GLI3: variants seen among roughly 807,000 people sequenced by gnomAD.
GLI3 encodes transcription activator GLI3.
A neutral mutation model predicts 100.8 loss-of-function variants in GLI3; 20 were observed. The ratio of observed to expected loss-of-function variants is 0.20; its 90% CI spans 0.14 to 0.29. GLI3 has a LOEUF of 0.29. GLI3 is among the 10% of genes least tolerant of loss of function. The pLI is 1.00. For missense variants in GLI3, 2,040 were observed against 2,128.5 expected (o/e 0.96, Z 0.82); for synonymous variants, 938 against 860.5 (o/e 1.09, Z -1.58).
At chr7:42,197,236 A>G (rs994520004) in intron 2 of GLI3, among the ~76,000 whole-genome samples, 3 of 152,206 alleles carry the variant, frequency 2.0e-5, no homozygotes, top group African/African-American at 7.2e-5. Flanking sequence ...TTCACAACCT[A>G]TCAACAGCTA....
At chr7:42,176,973 G>A (rs1787492647) in intron 2 of GLI3, among the ~76,000 whole-genome samples, 3 of 152,224 alleles carry the variant, frequency 2.0e-5, no homozygotes, top group African/African-American at 7.2e-5. Flanking sequence ...GGAATGGGAA[G>A]TGGCCTTCTC....
Position 41,965,050 on chromosome 7 carries a change from A to G in GLI3, c.4023T>C (p.Gly1341=). The G allele has an allele frequency of 6.2e-7, 1 of 1,613,826 alleles. No individual in the cohort carries two copies. ...CACTAATCTGCCCAAGCATCTGCTG[A>G]CCGGGGCGGCCTGCCCCCGGGTGCT... ...SMQHPGAGRP[G]QQMLGQISAT... The change falls in exon 15 of 15, where the codon GGT becomes GGC. Residue 1341 remains glycine, a synonymous_variant. Coordinates refer to ENST00000395925, the MANE Select transcript of GLI3 (RefSeq NM_000168.6).
intron 3 of GLI3, among the ~76,000 whole-genome samples, chr7:42,099,904 C>G (rs563667261): frequency 6.6e-6 from 1 of 152,258 alleles, no homozygotes; most frequent in Non-Finnish European, 1.5e-5. Flanking sequence ...TGACAGCATG[C>G]ACATGCCAAA....
chr7:42,236,085 GCA>G (rs1788785651), intron 1 of GLI3, among the ~76,000 whole-genome samples: 1 of 152,118 alleles, frequency 6.6e-6, no homozygotes, highest in Non-Finnish European at 1.5e-5. Flanking sequence ...GGGGACAGGA[GCA>G]CAAAGTTCAG....
intron 4 of GLI3, among the ~76,000 whole-genome samples, chr7:42,075,674 GCAA>G (rs1191767321): frequency 1.3e-5 from 2 of 152,256 alleles, no homozygotes; most frequent in East Asian, 3.9e-4. Context: ...ATAGAAGTCT[GCAA>G]CACAGATTTA....
intron 2 of GLI3, among the ~76,000 whole-genome samples, chr7:42,196,649 A>G (rs1196593944): frequency 6.6e-6 from 1 of 152,210 alleles, no homozygotes; most frequent in Admixed American, 6.5e-5. Context: ...GAACCTGGTG[A>G]AGACAACACT....
intron 2 of GLI3, among the ~76,000 whole-genome samples, chr7:42,217,886 T>C (rs1414432361): frequency 6.6e-6 from 1 of 152,268 alleles, no homozygotes; most frequent in African/African-American, 2.4e-5. Context: ...TTTGTCCTAA[T>C]AGCAGAGGCT....
chr7:42,254,052 T>C (rs1789060552), intron 1 of GLI3, among the ~76,000 whole-genome samples: 1 of 152,062 alleles, frequency 6.6e-6, no homozygotes, highest in Non-Finnish European at 1.5e-5. Flanking sequence ...AAACCCTATC[T>C]TTGCTAAAAA....
At chr7:42,015,766 T>C (rs1041783140) in intron 10 of GLI3, among the ~76,000 whole-genome samples, 2 of 146,506 alleles carry the variant, frequency 1.4e-5, no homozygotes, top group Non-Finnish European at 3.0e-5. Context: ...CCCCCACACA[T>C]AGGTATATTT....
intron 2 of GLI3, among the ~76,000 whole-genome samples, chr7:42,218,160 A>G (rs1484921753): frequency 1.3e-5 from 2 of 152,164 alleles, no homozygotes; most frequent in Non-Finnish European, 1.5e-5. Context: ...GTCATGTGCC[A>G]GGAAATGGGA....
chr7:42,072,647 G>A (rs906942469), intron 4 of GLI3, among the ~76,000 whole-genome samples: 16 of 152,144 alleles, frequency 1.1e-4, no homozygotes, highest in African/African-American at 3.9e-4. Context: ...AGCCTAGCAG[G>A]CATCATTTGT....
At chr7:42,111,060 T>C (rs2128766442) in intron 3 of GLI3, among the ~76,000 whole-genome samples, 1 of 152,344 alleles carries the variant, frequency 6.6e-6, no homozygotes, top group South Asian at 2.1e-4. Context: ...CTTCTATAAT[T>C]ACTACCAGAG....
At chr7:42,237,976 TCCGCCGCCGCCGCCGCCGCCG>T (rs1206993639), upstream of GLI3, 1 of 145,338 alleles carries the variant, frequency 6.9e-6, no homozygotes, top group Admixed American at 7.1e-5. Context: ...CTCCCCGCCC[TCCGCCGCCGCCGCCGCCGCCG>T]CCGCCGCCTC....
intron 1 of GLI3, among the ~76,000 whole-genome samples, chr7:42,253,942 G>A (rs374553898): frequency 2.0e-5 from 3 of 152,258 alleles, no homozygotes; most frequent in Non-Finnish European, 4.4e-5. Context: ...GCAATGGGCC[G>A]GACATGATGG....
intron 3 of GLI3, among the ~76,000 whole-genome samples, chr7:42,132,437 G>C (rs2128777961): frequency 6.6e-6 from 1 of 152,264 alleles, no homozygotes; most frequent in South Asian, 2.1e-4. Flanking sequence ...GTGTTAACTT[G>C]TACATGATAA....
upstream of GLI3, among the ~76,000 whole-genome samples, chr7:42,241,590 A>G (rs926707528): frequency 6.6e-6 from 1 of 152,236 alleles, no homozygotes; most frequent in Non-Finnish European, 1.5e-5. Flanking sequence ...TTTTAAGTGC[A>G]TCGCACACGG....
At chr7:42,163,609 T>C (rs972862831) in intron 2 of GLI3, among the ~76,000 whole-genome samples, 2 of 152,100 alleles carry the variant, frequency 1.3e-5, no homozygotes, top group Non-Finnish European at 2.9e-5. Flanking sequence ...TTTGTACTTT[T>C]AGTAGAGACA....
At chr7:42,201,212 C>A (rs911451735) in intron 2 of GLI3, among the ~76,000 whole-genome samples, 4 of 152,120 alleles carry the variant, frequency 2.6e-5, no homozygotes, top group African/African-American at 4.8e-5. Flanking sequence ...ATATATCTCT[C>A]TCTCTCTCTG....
At chr7:42,226,358 T>C (rs1403331740) in intron 1 of GLI3, among the ~76,000 whole-genome samples, 1 of 152,144 alleles carries the variant, frequency 6.6e-6, no homozygotes, top group Non-Finnish European at 1.5e-5. Flanking sequence ...CAAAATTCCT[T>C]GACAAACCTG....
Sources: allele counts gnomAD v4.1 joint callset (sites outside exome capture counted in the v4.1 genomes callset), GRCh38; gene constraint gnomAD v4.1.1; transcripts MANE v1.5; gene names NCBI Gene and HGNC (gene_info 2026-07-23, HGNC 2026-07-21).